The following SDK1 variants were observed in gnomAD, a reference collection of about 807,000 sequenced individuals.
SDK1 encodes the protein protein sidekick-1.
Under a neutral mutation model 245.5 loss-of-function variants are expected in SDK1, and 157 were observed. That is an observed-to-expected ratio of 0.64 (90% CI 0.56 to 0.73). The LOEUF (loss-of-function observed/expected upper bound fraction) is 0.73. Among genes scored for constraint, SDK1 ranks in the 30% least tolerant of loss-of-function variants. The pLI is 0.00. For missense variants in SDK1, 3,583 were observed against 3,002.3 expected (o/e 1.19, Z -4.52); for synonymous variants, 1,647 against 1,278.5 (o/e 1.29, Z -6.15).
chr7:3,548,621 G>C (rs1779305605), intron 1 of SDK1, among the ~76,000 whole-genome samples: 1 of 152,130 alleles, frequency 6.6e-6, no homozygotes, highest in Admixed American at 6.6e-5. Flanking sequence ...GTGTTTGAGG[G>C]CACCCAGGCT....
chr7:3,380,265 G>GT (rs1399119445), intron 1 of SDK1, among the ~76,000 whole-genome samples: 3 of 152,188 alleles, frequency 2.0e-5, no homozygotes, highest in African/African-American at 7.2e-5. Flanking sequence ...GAAATGGCCT[G>GT]TGATTGGTGA....
At chr7:4,237,426 A>T (rs547142532) in intron 41 of SDK1, among the ~76,000 whole-genome samples, 1 of 152,030 alleles carries the variant, frequency 6.6e-6, no homozygotes, top group African/African-American at 2.4e-5. Flanking sequence ...AAAGGTGGCA[A>T]ATGGGGGCTG....
intron 1 of SDK1, among the ~76,000 whole-genome samples, chr7:3,356,365 C>T (rs1345397885): frequency 1.3e-5 from 2 of 152,088 alleles, no homozygotes; most frequent in Admixed American, 6.6e-5. Context: ...AGAAGTAGGA[C>T]GCTGCCAGCT....
At chr7:4,047,957 G>A (rs1583937493) in intron 17 of SDK1, among the ~76,000 whole-genome samples, 1 of 152,312 alleles carries the variant, frequency 6.6e-6, no homozygotes, top group South Asian at 2.1e-4. Context: ...GCAGTTTCCT[G>A]GTGACTTAGA....
At chr7:3,648,515 T>C (rs1782917422) in intron 4 of SDK1, among the ~76,000 whole-genome samples, 1 of 152,228 alleles carries the variant, frequency 6.6e-6, no homozygotes, top group Admixed American at 6.5e-5. Context: ...GCATCCCAGG[T>C]GACTCAGAAA....
intron 4 of SDK1, among the ~76,000 whole-genome samples, chr7:3,794,157 A>C (rs1423451475): frequency 2.0e-5 from 3 of 152,150 alleles, no homozygotes; most frequent in Admixed American, 2.0e-4. Flanking sequence ...CAGATATGCA[A>C]AGCAAGTATA....
chr7:3,646,427 C>A (rs761622203), intron 4 of SDK1, among the ~76,000 whole-genome samples: 9 of 151,936 alleles, frequency 5.9e-5, no homozygotes, highest in African/African-American at 1.7e-4. Context: ...TTATTGAGTA[C>A]CTACTTTAAA....
chr7:3,784,414 T>C (rs559888658), intron 4 of SDK1, among the ~76,000 whole-genome samples: 1 of 152,130 alleles, frequency 6.6e-6, no homozygotes, highest in Admixed American at 6.5e-5. Context: ...TGAGAAACTA[T>C]AAAACTAATC....
intron 1 of SDK1, among the ~76,000 whole-genome samples, chr7:3,549,443 A>C (rs778535741): frequency 6.6e-6 from 1 of 152,042 alleles, no homozygotes; most frequent in Non-Finnish European, 1.5e-5. Flanking sequence ...AAAAATTTTA[A>C]TATGCTAAAT....
rs187548070 is a variant in SDK1 at position 3,525,890 on chromosome 7, A to C, written c.299-93190A>C. On this transcript the variant is annotated intron_variant, in intron 1 of 44. Coordinates refer to ENST00000404826, the MANE Select transcript of SDK1 (RefSeq NM_152744.4). ...TCATTCACATTTTACCAAGCACTTA[A>C]AATTTGGATAGGAATAGAGATTGAG... is the stretch of plus-strand genomic sequence containing the variant. Among the ~76,000 whole-genome samples, 369 of 152,228 alleles carry C rather than the reference A, an allele frequency of 2.4e-3. 3 individuals are homozygous for C. Among genetic ancestry groups the C allele is most frequent in the South Asian group, 0.018 (87 of 4,818 alleles).
chr7:3,829,997 A>G lies in SDK1; in HGVS notation c.847+8414A>G, dbSNP rs983047214. 3.9e-5 allele frequency among the ~76,000 whole-genome samples: 6 copies of G among 152,280 alleles called. No individual in the cohort carries two copies. In the South Asian group the frequency reaches 8.3e-4, roughly 21 times the overall value. On this transcript the variant is annotated intron_variant, in intron 5 of 44. Coordinates refer to ENST00000404826, the MANE Select transcript of SDK1 (RefSeq NM_152744.4). ...CAATAAGTCACAATTTCTGATAACA[A>G]AGTGGTTGTTTTGTTATCAGTAATG...
At chr7:3,596,541 T>G (rs1357324595) in intron 1 of SDK1, among the ~76,000 whole-genome samples, 1 of 152,210 alleles carries the variant, frequency 6.6e-6, no homozygotes, top group African/African-American at 2.4e-5. Context: ...GCATGGACTT[T>G]GTGACCACCT....
chr7:3,818,581 G>A (rs890894466), intron 4 of SDK1, among the ~76,000 whole-genome samples: 1 of 152,148 alleles, frequency 6.6e-6, no homozygotes, highest in Non-Finnish European at 1.5e-5. Flanking sequence ...ATCCAAAAAA[G>A]ATGTCATCGC....
Position 3,356,065 on chromosome 7 carries a change from G to C in SDK1, c.298+54181G>C, listed in dbSNP as rs1178042063. Among the ~76,000 whole-genome samples the C allele has an allele frequency of 2.6e-5, 4 of 152,174 alleles. No individual in the cohort carries two copies. The East Asian group carries it at 7.7e-4, about 29-fold the overall frequency. On this transcript the variant is annotated intron_variant, in intron 1 of 44. Transcript: ENST00000404826. ...CTGACAGATAACACGGTTTAAAAAGGAAGTTTCACAGCCTTGTAGCTTATG... is the reference window on the plus strand; with the variant it reads ...CTGACAGATAACACGGTTTAAAAAGCAAGTTTCACAGCCTTGTAGCTTATG...
chr7:3,533,440 C>T (rs1783415452), intron 1 of SDK1, among the ~76,000 whole-genome samples: 1 of 152,138 alleles, frequency 6.6e-6, no homozygotes, highest in Admixed American at 6.5e-5. Context: ...CTGATAGTGC[C>T]ACCAAAATAA....
chr7:3,356,729 T>G (rs1780805491), intron 1 of SDK1, among the ~76,000 whole-genome samples: 1 of 152,148 alleles, frequency 6.6e-6, no homozygotes, highest in African/African-American at 2.4e-5. Flanking sequence ...ATTTTGGGAA[T>G]TTTAGAGATC....
intron 1 of SDK1, among the ~76,000 whole-genome samples, chr7:3,477,189 C>CTTTTTTTTTTTTTTTTTTTTTTTTT (rs35328849): frequency 2.5e-5 from 2 of 78,626 alleles, no homozygotes; most frequent in Non-Finnish European, 4.6e-5. Flanking sequence ...TGGTTTTCTC[C>CTTTTTTTTTTTTTTTTTTTTTTTTT]TTTTTTTTTT....
At chr7:3,545,800 G>T (rs1005881268) in intron 1 of SDK1, among the ~76,000 whole-genome samples, 2 of 152,018 alleles carry the variant, frequency 1.3e-5, no homozygotes, top group African/African-American at 4.8e-5. Context: ...CAAGCGAAAG[G>T]GTAATCAAAT....
At chr7:4,255,914 C>CTTTTTTTTTTT (rs34810935) in intron 44 of SDK1, among the ~76,000 whole-genome samples, 1 of 104,102 alleles carries the variant, frequency 9.6e-6, no homozygotes, top group African/African-American at 4.4e-5. Context: ...TTTCCAAATA[C>CTTTTTTTTTTT]TTTTTTTTTT....
Sources: gnomAD v4.1 joint callset for allele counts (sites outside exome capture counted in the v4.1 genomes callset) on GRCh38, gnomAD v4.1.1 for gene constraint, MANE v1.5 for transcripts, NCBI Gene and HGNC (gene_info 2026-07-23, HGNC 2026-07-21) for gene names.